MED13: variants seen among roughly 807,000 people sequenced by gnomAD.
MED13 encodes the protein mediator complex subunit 13, also known as mediator of RNA polymerase II transcription subunit 13.
In MED13, 23 loss-of-function variants were observed where a neutral mutation model predicts 225.2. The ratio of observed to expected loss-of-function variants is 0.10; its 90% CI spans 0.07 to 0.14. The LOEUF (loss-of-function observed/expected upper bound fraction) is 0.14. MED13 is among the 10% of genes least tolerant of loss of function. MED13 has a pLI of 1.00. For synonymous variants in MED13, 942 were observed against 889.2 expected (o/e 1.06, Z -1.06); for missense variants, 2,197 against 2,594.5 (o/e 0.85, Z 3.33).
At chr17:61,996,840 G>C (rs1249968533) in intron 9 of MED13, among the ~76,000 whole-genome samples, 2 of 152,108 alleles carry the variant, frequency 1.3e-5, no homozygotes, top group Non-Finnish European at 2.9e-5. Flanking sequence ...ACAAGGACAG[G>C]GGTCTAACCT....
At chr17:61,955,625 T>C in intron 25 of MED13, 55 bp downstream of exon 25, 2 of 1,557,530 alleles carry the variant, frequency 1.3e-6, no homozygotes, top group Non-Finnish European at 1.7e-6. Context: ...TATATAATAC[T>C]TAAAAACTTA....
At chr17:62,023,684 A>C (rs1287310663) in intron 8 of MED13, among the ~76,000 whole-genome samples, 1 of 152,198 alleles carries the variant, frequency 6.6e-6, no homozygotes, top group Non-Finnish European at 1.5e-5. Context: ...AAAAAGCAGA[A>C]ATGGATTTGA....
At position 61,962,141 on chromosome 17, in the gene MED13, C is replaced by G. The variant is rs1000986507; in HGVS notation, c.5065-362G>C. 5.9e-5 allele frequency among the ~76,000 whole-genome samples: 9 copies of G among 152,142 alleles called. No homozygotes were observed. In the East Asian group the frequency reaches 9.7e-4, roughly 16 times the overall value. On this transcript the variant is annotated intron_variant, in intron 21 of 29. Coordinates refer to ENST00000397786, the MANE Select transcript of MED13 (RefSeq NM_005121.3). ...TCTCTACTAAAAACACAAAAATGAG[C>G]TGGGTGTGGTGGCATGCGCCTGTAG...
chr17:62,051,958 A>T (rs972397233), intron 3 of MED13, among the ~76,000 whole-genome samples: 6 of 152,242 alleles, frequency 3.9e-5, no homozygotes, highest in African/African-American at 1.2e-4. Flanking sequence ...GGTATCTATC[A>T]TAAGTCTTCT....
At chr17:62,026,549 C>T (rs921941070) in intron 8 of MED13, among the ~76,000 whole-genome samples, 6 of 150,470 alleles carry the variant, frequency 4.0e-5, no homozygotes, top group African/African-American at 9.8e-5. Context: ...AGAATGCCTC[C>T]TCTCACTCCT....
At chr17:61,989,397 A>C (rs1249555312) in intron 11 of MED13, among the ~76,000 whole-genome samples, 1 of 152,084 alleles carries the variant, frequency 6.6e-6, no homozygotes, top group African/African-American at 2.4e-5. Context: ...GCTGGAGTGC[A>C]ATGGAGCGAT....
rs1265978946 is a variant in MED13 at position 61,960,869 on chromosome 17, A to G, written c.5478T>C (p.Asn1826=). Residue 1826 remains asparagine (N), a splice_region_variant and synonymous_variant, in exon 23 of 30, where the codon AAT becomes AAC. Transcript: ENST00000397786. ...ETCIINIDVP[N]RARRKKSSAR... is the part of the protein sequence containing the mutation. Reference sequence around the variant, plus strand: ...TATATTTAGGGAAATACAAATACCTATTTGGAACATCGATGTTAATGATAC... The same window carrying G: ...TATATTTAGGGAAATACAAATACCTGTTTGGAACATCGATGTTAATGATAC... 6.3e-7 allele frequency: 1 copy of G among 1,590,490 alleles called. No homozygotes were observed.
At chr17:61,976,813 T>G (rs555241799) in intron 16 of MED13, among the ~76,000 whole-genome samples, 240 of 152,226 alleles carry the variant, frequency 1.6e-3, no homozygotes, top group African/African-American at 5.6e-3. Context: ...GCACCTGTAG[T>G]CCCAGCTACT....
At position 62,027,953 on chromosome 17, in the gene MED13, C is replaced by T. The variant is rs533899440; in HGVS notation, c.1283+1588G>A. Among the ~76,000 whole-genome samples the T allele has an allele frequency of 8.5e-5, 13 of 152,270 alleles. No homozygotes were observed. In the South Asian group the frequency reaches 2.5e-3, roughly 29 times the overall value. ...AGGTTGAGAAGGAAACATTTATACACTGTTGATGGAAGTGAAAATAGTTCA... is the reference window on the plus strand; with the variant it reads ...AGGTTGAGAAGGAAACATTTATACATTGTTGATGGAAGTGAAAATAGTTCA... On this transcript the variant is annotated intron_variant, in intron 8 of 29. Coordinates refer to ENST00000397786, the MANE Select transcript of MED13 (RefSeq NM_005121.3).
At chr17:62,038,830 ATTTT>A (rs367641054) in intron 3 of MED13, among the ~76,000 whole-genome samples, 1 of 149,692 alleles carries the variant, frequency 6.7e-6, no homozygotes, top group East Asian at 2.0e-4. Context: ...CACCCAGCTA[ATTTT>A]TTTTTTCCCC....
intron 28 of MED13, 86 bp from the exon 29 acceptor site, chr17:61,947,103 A>G (rs1033538460): frequency 3.1e-5 from 28 of 895,054 alleles, no homozygotes; most frequent in Non-Finnish European, 4.9e-5. Context: ...AATATATCTT[A>G]TAAAATGATG....
At chr17:61,962,450 G>A (rs953951931) in intron 21 of MED13, among the ~76,000 whole-genome samples, 11 of 152,074 alleles carry the variant, frequency 7.2e-5, no homozygotes, top group African/African-American at 2.7e-4. Flanking sequence ...TCTTGTTTAG[G>A]TACATGCTAC....
At chr17:61,997,477 A>C (rs1442229337) in intron 9 of MED13, among the ~76,000 whole-genome samples, 1 of 152,158 alleles carries the variant, frequency 6.6e-6, no homozygotes, top group Non-Finnish European at 1.5e-5. Context: ...GGTTAGCTGA[A>C]TTGTCTACCA....
intron 26 of MED13, among the ~76,000 whole-genome samples, chr17:61,954,125 TAAG>T (rs374667240): frequency 2.0e-3 from 303 of 152,322 alleles, no homozygotes; most frequent in African/African-American, 6.5e-3. Flanking sequence ...AAACCAAAGA[TAAG>T]GAGGATTACT....
intron 14 of MED13, 58 bp from the exon 15 acceptor site, chr17:61,984,425 T>A: frequency 7.8e-7 from 1 of 1,279,866 alleles, no homozygotes; most frequent in Non-Finnish European, 1.1e-6. Flanking sequence ...AAAAAATAAA[T>A]AAACAAACAG....
intron 21 of MED13, 77 bp downstream of exon 21, chr17:61,962,675 G>A: frequency 1.6e-6 from 2 of 1,276,924 alleles, no homozygotes; most frequent in Middle Eastern, 2.0e-4. Flanking sequence ...TTTGAATACA[G>A]AAAAGTAGTA....
At chr17:61,986,355 AG>A (rs2080247827) in intron 12 of MED13, among the ~76,000 whole-genome samples, 1 of 152,220 alleles carries the variant, frequency 6.6e-6, no homozygotes, top group Admixed American at 6.5e-5. Context: ...GAAGTTTCCA[AG>A]CTACCTTTAT....
rs549089702 is a variant in MED13, at chr17:61,949,548, C to T, written c.6291+1277G>A. Among the ~76,000 whole-genome samples, 13 of 151,944 alleles carry T rather than the reference C, an allele frequency of 8.6e-5. No homozygotes were observed. In the East Asian group the frequency reaches 1.4e-3, roughly 16 times the overall value. On this transcript the variant is annotated intron_variant, in intron 28 of 29. Coordinates refer to ENST00000397786, the MANE Select transcript of MED13 (RefSeq NM_005121.3). ...AGCCTGAGTTTGTTGTAATAAATCA[C>T]GATGAATCTGAGAGTCTCATTACTG...
chr17:61,975,340 A>G (rs572781161), intron 16 of MED13, among the ~76,000 whole-genome samples: 57 of 152,214 alleles, frequency 3.7e-4, no homozygotes, highest in Non-Finnish European at 6.9e-4. Flanking sequence ...ATGGACAACA[A>G]GCACATGAAA....
Sources: allele counts gnomAD v4.1 joint callset (sites outside exome capture counted in the v4.1 genomes callset), GRCh38; gene constraint gnomAD v4.1.1; transcripts MANE v1.5; gene names NCBI Gene and HGNC (gene_info 2026-07-23, HGNC 2026-07-21).